HGF: variants seen among roughly 807,000 people sequenced by gnomAD.
The protein encoded by HGF is hepatocyte growth factor.
A neutral mutation model predicts 111.6 loss-of-function variants in HGF; 39 were observed. The observed-to-expected ratio is 0.35, with a 90% CI of 0.27 to 0.46. The LOEUF (loss-of-function observed/expected upper bound fraction) is 0.46. Ranked by LOEUF, HGF falls within the 20% of genes least tolerant of loss-of-function variation. The pLI is 1.00. For synonymous variants in HGF, 285 were observed against 294.8 expected (o/e 0.97, Z 0.34); for missense variants, 735 against 910.5 (o/e 0.81, Z 2.48).
At chr7:81,717,758 T>A (rs575463062) in intron 10 of HGF, among the ~76,000 whole-genome samples, 1 of 152,188 alleles carries the variant, frequency 6.6e-6, no homozygotes, top group South Asian at 2.1e-4. Flanking sequence ...TATACAAGTA[T>A]TTTTTTACAT....
chr7:81,729,022 A>ACTAAACAGACCCAGAAGAGCAAAACTG (rs554133413), intron 8 of HGF, among the ~76,000 whole-genome samples: 1 of 71,128 alleles, frequency 1.4e-5, no homozygotes, highest in African/African-American at 4.3e-5. Flanking sequence ...TATGTAATTG[A>ACTAAACAGACCCAGAAGAGCAAAACTG]TACTCAAGGG....
chr7:81,757,009 CAT>C (rs1788807249), intron 4 of HGF, 178 bp downstream of exon 4: 1 of 611,502 alleles, frequency 1.6e-6, no homozygotes, highest in Admixed American at 2.8e-5. Context: ...ATTTTATTAA[CAT>C]ATTAATTAAT....
intron 10 of HGF, among the ~76,000 whole-genome samples, chr7:81,719,528 T>G (rs1789799682): frequency 6.6e-6 from 1 of 152,188 alleles, no homozygotes; most frequent in African/African-American, 2.4e-5. Flanking sequence ...ATATGGAGCA[T>G]GAGAATATAA....
chr7:81,747,318 G>A (rs112212987), intron 5 of HGF, among the ~76,000 whole-genome samples: 1,690 of 152,214 alleles, frequency 0.011, 31 homozygotes, highest in African/African-American at 0.037. Context: ...CAGCCTGGGC[G>A]ACAGAGCGAG....
At chr7:81,747,032 T>A (rs116456982) in intron 5 of HGF, among the ~76,000 whole-genome samples, 1,632 of 152,236 alleles carry the variant, frequency 0.011, 28 homozygotes, top group African/African-American at 0.036. Context: ...ACTTTCTAGA[T>A]AACAGGATCT....
chr7:81,767,514 A>G (rs1166557552), intron 1 of HGF, among the ~76,000 whole-genome samples: 1 of 152,202 alleles, frequency 6.6e-6, no homozygotes. Context: ...GTTCATCTTT[A>G]CATCCCCCAC....
chr7:81,750,736 C>T (rs552339708), intron 5 of HGF, among the ~76,000 whole-genome samples: 11 of 152,142 alleles, frequency 7.2e-5, no homozygotes, highest in African/African-American at 1.2e-4. Context: ...TTTGAAAACA[C>T]GTTTTCAGGT....
At chr7:81,745,800 A>C (rs1788218594) in intron 5 of HGF, among the ~76,000 whole-genome samples, 1 of 152,254 alleles carries the variant, frequency 6.6e-6, no homozygotes, top group South Asian at 2.1e-4. Context: ...TAAAATGTAT[A>C]AGCTAATGTA....
chr7:81,706,301 T>C lies in HGF; in HGVS notation c.1743A>G (p.Leu581=). 6.2e-7 allele frequency: 1 copy of C among 1,612,726 alleles called. No individual in the cohort carries two copies. The highest frequency in any genetic ancestry group is 8.5e-7 in the Non-Finnish European group (1 of 1,179,112). ...VYGPEGSDLV[L]MKLARPAVLD... is the part of the protein sequence containing the mutation. ...AAGTAACTAACCTGGCAAGCTTCAT[T>C]AAAACCAGATCTGATCCTTCAGGGC... The change falls in exon 15 of 18, where the codon TTA becomes TTG. Residue 581 remains leucine (L), a synonymous_variant. Transcript: ENST00000222390.
chr7:81,746,894 G>A (rs1788280019), intron 5 of HGF, among the ~76,000 whole-genome samples: 1 of 152,260 alleles, frequency 6.6e-6, no homozygotes, highest in East Asian at 1.9e-4. Context: ...ATATGAATGT[G>A]TGCAAAAACC....
At chr7:81,716,803 A>G (rs902650033) in intron 11 of HGF, among the ~76,000 whole-genome samples, 1 of 152,154 alleles carries the variant, frequency 6.6e-6, no homozygotes, top group Non-Finnish European at 1.5e-5. Context: ...TGAGAAGGAA[A>G]TAGAAGTACC....
intron 2 of HGF, among the ~76,000 whole-genome samples, chr7:81,759,606 G>A (rs186853787): frequency 1.3e-5 from 2 of 152,014 alleles, no homozygotes; most frequent in Non-Finnish European, 1.5e-5. Flanking sequence ...CCGGGTTCAC[G>A]CCATTCTCCT....
At chr7:81,759,248 C>T (rs529735947) in intron 2 of HGF, among the ~76,000 whole-genome samples, 3 of 152,186 alleles carry the variant, frequency 2.0e-5, no homozygotes, top group Admixed American at 1.3e-4. Context: ...TCTGAGATAT[C>T]AGGAGTAATT....
chr7:81,702,893 A>G, intron 17 of HGF, 136 bp from the exon 18 acceptor site: 1 of 743,896 alleles, frequency 1.3e-6, no homozygotes. Flanking sequence ...TGAAGATATA[A>G]AAATTAGTGT....
At chr7:81,765,780 C>T (rs1007219320) in intron 1 of HGF, among the ~76,000 whole-genome samples, 6 of 152,138 alleles carry the variant, frequency 3.9e-5, no homozygotes, top group Non-Finnish European at 7.4e-5. Flanking sequence ...CTTTCTCCTC[C>T]ATATGTATTA....
chr7:81,750,949 G>T, intron 5 of HGF: 1 of 924,940 alleles, frequency 1.1e-6, no homozygotes, highest in Non-Finnish European at 1.3e-6. Flanking sequence ...ACAATGAAGA[G>T]GTTATAGGGA....
chr7:81,706,398 C>G lies in HGF; in HGVS notation c.1646G>C (p.Gly549Ala), dbSNP rs1178057695. Residue 549 changes from glycine to alanine, a missense_variant, in exon 15 of 18, where the codon GGA becomes GCA. Gly to Ala is a moderately conservative substitution (Grantham distance 60). This residue lies in a region of HGF where 130 missense variants were observed against 129.9 expected (regional missense o/e 1.00). Coordinates refer to ENST00000222390, the MANE Select transcript of HGF (RefSeq NM_000601.6). ...TCCTCTTCCGTGGACATCATGAATTCCAAGCCAAGCTTCATAATCTTTCAA... is the reference window on the plus strand; with the variant it reads ...TCCTCTTCCGTGGACATCATGAATTGCAAGCCAAGCTTCATAATCTTTCAA... ...RDLKDYEAWL[G>A]IHDVHGRGDE... 6.2e-7 allele frequency: 1 copy of G among 1,612,342 alleles called. No individual in the cohort carries two copies. Among genetic ancestry groups the G allele is most frequent in the East Asian group, 2.2e-5 (1 of 44,832 alleles).
chr7:81,703,664 C>G (rs1789346791), intron 17 of HGF, among the ~76,000 whole-genome samples: 1 of 151,194 alleles, frequency 6.6e-6, no homozygotes, highest in Admixed American at 6.6e-5. Context: ...TTTCATGAAC[C>G]ATGTAGCCTC....
At position 81,707,482 on chromosome 7, in the gene HGF, A is replaced by G. The variant is rs1789458687; in HGVS notation, c.1542-118T>C. ...AAATACACTGCAGAGGAAAATATAG[A>G]AATTAACCCAACTGGAATAAAATGA... is the stretch of plus-strand genomic sequence containing the variant. On this transcript the variant is annotated intron_variant, in intron 13 of 17. Transcript: ENST00000222390. The G allele has an allele frequency of 4.4e-6, 3 of 682,140 alleles. No individual in the cohort carries two copies. The South Asian group carries it at 4.8e-5, about 11-fold the overall frequency. The allele number at this position is 682,140 out of a possible 1,614,324, so 42.3% of individuals were successfully genotyped here.
Sources: allele counts gnomAD v4.1 joint callset (sites outside exome capture counted in the v4.1 genomes callset), GRCh38; gene constraint gnomAD v4.1.1; regional missense constraint gnomAD v4.1.1; transcripts MANE v1.5; gene names NCBI Gene and HGNC (gene_info 2026-07-23, HGNC 2026-07-21).